CDH5: variants seen among roughly 807,000 people sequenced by gnomAD.
CDH5 encodes cadherin-5.
In CDH5, 28 loss-of-function variants were observed where a neutral mutation model predicts 62.0. The ratio of observed to expected loss-of-function variants is 0.45; its 90% CI spans 0.33 to 0.62. CDH5 has a LOEUF of 0.62. Among genes scored for constraint, CDH5 ranks in the 20% least tolerant of loss-of-function variants. The pLI is 0.02. For synonymous variants in CDH5, 464 were observed against 445.8 expected, an observed-to-expected ratio of 1.04 and a Z score of -0.52; for missense variants, 940 against 1,065.1, an observed-to-expected ratio of 0.88 and a Z score of 1.63.
At chr16:66,375,278 C>T (rs1331227169) in intron 1 of CDH5, among the ~76,000 whole-genome samples, 1 of 152,074 alleles carries the variant, frequency 6.6e-6, no homozygotes, top group African/African-American at 2.4e-5. Flanking sequence ...GCCTGTAATC[C>T]CAGCACTTTG....
chr16:66,392,451 C>A, intron 7 of CDH5, 68 bp downstream of exon 7: 1 of 1,588,614 alleles, frequency 6.3e-7, no homozygotes. Context: ...GCCTGCTGGT[C>A]TGAGGCCAGG....
chr16:66,390,595 G>C lies in CDH5; in HGVS notation c.969+5G>C, dbSNP rs1662056900. The C allele has an allele frequency of 6.2e-7, 1 of 1,613,526 alleles. No individual in the cohort carries two copies. The highest frequency in any genetic ancestry group is 8.5e-7 in the Non-Finnish European group (1 of 1,179,580). On this transcript the variant is annotated splice_donor_5th_base_variant and intron_variant, in intron 6 of 11. Transcript: ENST00000341529. ...GGCATCATCAAGCCCATGAAGGTTT[G>C]TAGGCCAATGGCAACAATGTCAAAC...
intron 1 of CDH5, among the ~76,000 whole-genome samples, chr16:66,371,313 A>G (rs1454325358): frequency 6.6e-6 from 1 of 152,104 alleles, no homozygotes; most frequent in Non-Finnish European, 1.5e-5. Flanking sequence ...CCACACACGG[A>G]GCTGGGTCTT....
At chr16:66,369,367 C>T (rs1323973250) in intron 1 of CDH5, among the ~76,000 whole-genome samples, 1 of 152,166 alleles carries the variant, frequency 6.6e-6, no homozygotes, top group Non-Finnish European at 1.5e-5. Flanking sequence ...AGTCAAGACA[C>T]CTGCACCCTT....
At chr16:66,388,038 C>T (rs1226119584) in intron 3 of CDH5, among the ~76,000 whole-genome samples, 1 of 152,188 alleles carries the variant, frequency 6.6e-6, no homozygotes, top group Non-Finnish European at 1.5e-5. Context: ...TGCTGTCCTC[C>T]ATTTCTCTCC....
chr16:66,369,593 C>A (rs1310748527), intron 1 of CDH5, among the ~76,000 whole-genome samples: 3 of 152,128 alleles, frequency 2.0e-5, no homozygotes, highest in Admixed American at 6.5e-5. Flanking sequence ...CCTGACAGTC[C>A]CAGACAAAGT....
At chr16:66,377,232 C>T (rs1193995101) in intron 1 of CDH5, 1 of 152,374 alleles carries the variant, frequency 6.6e-6, no homozygotes, top group Non-Finnish European at 1.5e-5. Flanking sequence ...TTCTCCAAGC[C>T]TTTCCTCACC....
rs1274025220 is a variant in CDH5, at chr16:66,379,376, C to A, written c.39C>A (p.Ala13=). 1.9e-6 allele frequency: 3 copies of A among 1,613,300 alleles called. No individual in the cohort carries two copies. In the African/African-American group the frequency reaches 4.0e-5, roughly 22 times the overall value. ...RLMMLLATSG[A]CLGLLAVAAV... The stretch of plus-strand genomic sequence containing the variant: ...TGATGCTCCTCGCCACATCGGGCGC[C>A]TGCCTGGGCCTGCTGGCAGTGGCAG... The change falls in exon 2 of 12, where the codon GCC becomes GCA. Residue 13 remains alanine, a synonymous_variant. Transcript: ENST00000341529.
chr16:66,388,315 T>C lies in CDH5; in HGVS notation c.500-9T>C, dbSNP rs775098610. 6 of 1,590,092 alleles carry C rather than the reference T, an allele frequency of 3.8e-6. No homozygotes were observed. Among genetic ancestry groups the C allele is most frequent in the East Asian group, 4.5e-5 (2 of 44,778 alleles). On this transcript the variant is annotated splice_polypyrimidine_tract_variant and intron_variant, in intron 3 of 11. Coordinates refer to ENST00000341529, the MANE Select transcript of CDH5 (RefSeq NM_001795.5). ...ACAAGTCAGCAACCCCAGGATTCTCTCTCTGCAGGGACCTCAGTCATCTCT... is the reference window on the plus strand; with the variant it reads ...ACAAGTCAGCAACCCCAGGATTCTCCCTCTGCAGGGACCTCAGTCATCTCT...
Position 66,368,874 on chromosome 16 carries a change from A to G in CDH5, c.-20+2116A>G, listed in dbSNP as rs139619700. Among the ~76,000 whole-genome samples, 24 of 152,334 alleles carry G rather than the reference A, an allele frequency of 1.6e-4. No individual in the cohort carries two copies. In the East Asian group the frequency reaches 4.6e-3, roughly 29 times the overall value. ...ACAGGGACAAGCCAGGAGCCCAGTG[A>G]TACCAGGGGAAGGAATGTTCTAGGA... On this transcript the variant is annotated intron_variant, in intron 1 of 11. Transcript: ENST00000341529.
At chr16:66,395,182 G>A (rs1961157613) in intron 7 of CDH5, among the ~76,000 whole-genome samples, 2 of 150,518 alleles carry the variant, frequency 1.3e-5, no homozygotes, top group South Asian at 2.1e-4. Context: ...GAGCCACCAT[G>A]CCCAACCTTG....
Position 66,403,201 on chromosome 16 carries a change from A to C in CDH5, c.*32A>C. On this transcript the variant is annotated 3_prime_UTR_variant, in exon 12 of 12. Transcript: ENST00000341529. This position sits in a 1 kb window ranked among gnomAD's most constrained non-coding sequence, Gnocchi z 4.3. ...GAGGTCACTCTGGGCCTGGGGACCC[A>C]AACCCCCTGCAGCCCAGGCCAGTCA... The C allele has an allele frequency of 6.3e-7, 1 of 1,577,820 alleles. No homozygotes were observed. Among genetic ancestry groups the C allele is most frequent in the Non-Finnish European group, 8.6e-7 (1 of 1,163,740 alleles).
At position 66,402,852 on chromosome 16, in the gene CDH5, G is replaced by A. The variant is rs767886587; in HGVS notation, c.2038G>A (p.Ala680Thr). The A allele has an allele frequency of 3.1e-6, 5 of 1,602,264 alleles. No homozygotes were observed. In the African/African-American group the frequency reaches 5.3e-5, roughly 17 times the overall value. Reference sequence around the variant, plus strand: ...CAAGCCCCCGCGGCCCGCGCTGGACGCCCGGCCTTCCCTCTATGCGCAGGT... The same window carrying A: ...CAAGCCCCCGCGGCCCGCGCTGGACACCCGGCCTTCCCTCTATGCGCAGGT... ...GAKPPRPALD[A>T]RPSLYAQVQK... Residue 680 changes from alanine (A) to threonine (T), a missense_variant, in exon 12 of 12, where the codon GCC becomes ACC. Physicochemically the swap from Ala to Thr is moderately conservative, Grantham distance 58 (BLOSUM62 0). Transcript: ENST00000341529.
intron 10 of CDH5, among the ~76,000 whole-genome samples, chr16:66,399,723 C>T (rs1419991189): frequency 6.6e-6 from 1 of 152,148 alleles, no homozygotes; most frequent in Admixed American, 6.5e-5. Context: ...CAGTGCCACC[C>T]CAAAGACACC....
chr16:66,376,520 T>C (rs1202831057), intron 1 of CDH5: 1 of 152,166 alleles, frequency 6.6e-6, no homozygotes, highest in Non-Finnish European at 1.5e-5. Context: ...GAAGAGATTT[T>C]ATGAAGGGAC....
At position 66,402,828 on chromosome 16, in the gene CDH5, A is replaced by G; in HGVS notation, c.2014A>G (p.Lys672Glu). The change falls in exon 12 of 12, where the codon AAG becomes GAG. Residue 672 changes from lysine (K) to glutamate (E), a missense_variant. Lys to Glu is a moderately conservative substitution (Grantham distance 56). Transcript: ENST00000341529. ...VLNSVRRGGA[K>E]PPRPALDARP... ...CAACTCGGTGCGCCGCGGCGGGGCC[A>G]AGCCCCCGCGGCCCGCGCTGGACGC... is the stretch of plus-strand genomic sequence containing the variant. 1 of 1,599,164 alleles carries G rather than the reference A, an allele frequency of 6.3e-7. No individual in the cohort carries two copies. The highest frequency in any genetic ancestry group is 8.5e-7 in the Non-Finnish European group (1 of 1,173,668).
At chr16:66,372,578 A>G (rs1443855595) in intron 1 of CDH5, among the ~76,000 whole-genome samples, 2 of 152,096 alleles carry the variant, frequency 1.3e-5, no homozygotes, top group Non-Finnish European at 2.9e-5. Context: ...AGGAGCCCCA[A>G]CCTTTTCTCA....
intron 1 of CDH5, chr16:66,377,865 AGG>A (rs1960813516): frequency 6.6e-6 from 1 of 152,274 alleles, no homozygotes; most frequent in South Asian, 2.1e-4. Context: ...GAATGAAGCC[AGG>A]CCTTGATCTC....
chr16:66,390,451 T>C lies in CDH5; in HGVS notation c.830T>C (p.Val277Ala), dbSNP rs768498801. ...GAAGACACCCGTGTGGGCACCTCTG[T>C]GGGCTCTCTGTTTGTTGAGGACCCA... ...VPEDTRVGTS[V>A]GSLFVEDPDE... The change falls in exon 6 of 12, where the codon GTG becomes GCG. Residue 277 changes from valine (V) to alanine (A), a missense_variant. Coordinates refer to ENST00000341529, the MANE Select transcript of CDH5 (RefSeq NM_001795.5). 8 of 1,614,034 alleles carry C rather than the reference T, an allele frequency of 5.0e-6. No homozygotes were observed. In the African/African-American group the frequency reaches 8.0e-5, roughly 16 times the overall value.
Sources: gnomAD v4.1 joint callset for allele counts (sites outside exome capture counted in the v4.1 genomes callset) on GRCh38, gnomAD v4.1.1 for gene constraint, Gnocchi (gnomAD v3.1) non-coding constraint, MANE v1.5 for transcripts, NCBI Gene and HGNC (gene_info 2026-07-23, HGNC 2026-07-21) for gene names.